CAMK4: variants seen among roughly 807,000 people sequenced by gnomAD.
CAMK4 encodes the protein calcium/calmodulin-dependent protein kinase type IV.
A neutral mutation model predicts 44.9 loss-of-function variants in CAMK4; 22 were observed. That is an observed-to-expected ratio of 0.49 (90% CI 0.35 to 0.70). The LOEUF is 0.70. Ranked by LOEUF, CAMK4 falls within the 30% of genes least tolerant of loss-of-function variation. The probability of loss-of-function intolerance (pLI) is 0.01; values close to 1 mark genes in which losing one functional copy is unlikely to be tolerated. For missense variants in CAMK4, 498 were observed against 586.8 expected, an observed-to-expected ratio of 0.85 and a Z score of 1.56; for synonymous variants, 218 against 215.4, an observed-to-expected ratio of 1.01 and a Z score of -0.11.
At chr5:111,444,856 C>T (rs143899118) in intron 5 of CAMK4, among the ~76,000 whole-genome samples, 229 of 152,146 alleles carry the variant, frequency 1.5e-3, no homozygotes, top group African/African-American at 5.0e-3. Flanking sequence ...ACTGATTGAC[C>T]GAGAAGCTCA....
intron 7 of CAMK4, among the ~76,000 whole-genome samples, chr5:111,468,262 C>A (rs1224196459): frequency 6.6e-6 from 1 of 151,990 alleles, no homozygotes; most frequent in Non-Finnish European, 1.5e-5. Context: ...TCTCAGAAAT[C>A]CCCACTAAAG....
intron 8 of CAMK4, among the ~76,000 whole-genome samples, chr5:111,476,266 TGTGTTTGTG>T (rs1755236551): frequency 7.4e-6 from 1 of 135,496 alleles, no homozygotes; most frequent in African/African-American, 3.3e-5. Flanking sequence ...TGTGTGTGTG[TGTGTTTGTG>T]TGTGTGTGTG....
intron 1 of CAMK4, among the ~76,000 whole-genome samples, chr5:111,308,522 A>G (rs1748043364): frequency 6.6e-6 from 1 of 152,226 alleles, no homozygotes; most frequent in Non-Finnish European, 1.5e-5. Context: ...ACAAGCTACA[A>G]AATTTGCAGA....
At position 111,449,177 on chromosome 5, in the gene CAMK4, C is replaced by A; in HGVS notation, c.599C>A (p.Thr200Lys). Residue 200 changes from threonine (T) to lysine (K), a missense_variant, in exon 7 of 11, where the codon ACA (threonine) becomes AAA (lysine). Physicochemically the swap from Thr to Lys is moderately conservative, Grantham distance 78 (BLOSUM62 -1). Transcript: ENST00000282356. ...KIVEHQVLMK[T>K]VCGTPGYCAP... The stretch of plus-strand genomic sequence containing the variant: ...GTGGAACATCAAGTGCTCATGAAGA[C>A]AGTATGTGGAACCCCAGGGTACTGC... 1 of 1,574,458 alleles carries A rather than the reference C, an allele frequency of 6.4e-7. No homozygotes were observed. Among genetic ancestry groups the A allele is most frequent in the Non-Finnish European group, 8.7e-7 (1 of 1,146,560 alleles).
chr5:111,358,299 C>A (rs530646117), intron 2 of CAMK4, among the ~76,000 whole-genome samples: 2 of 152,212 alleles, frequency 1.3e-5, no homozygotes, highest in Non-Finnish European at 2.9e-5. Flanking sequence ...AGACTACACA[C>A]ATGGCTTGAT....
intron 1 of CAMK4, among the ~76,000 whole-genome samples, chr5:111,257,856 G>C (rs1749807411): frequency 6.6e-6 from 1 of 152,150 alleles, no homozygotes; most frequent in Non-Finnish European, 1.5e-5. Flanking sequence ...GGACATGGAT[G>C]GACCTGGAAG....
intron 5 of CAMK4, among the ~76,000 whole-genome samples, chr5:111,432,326 G>C (rs1365234769): frequency 6.6e-6 from 1 of 152,176 alleles, no homozygotes; most frequent in South Asian, 2.1e-4. Flanking sequence ...CATGGACATA[G>C]AGAGTAGAAG....
chr5:111,438,740 A>G (rs1753730608), intron 5 of CAMK4, among the ~76,000 whole-genome samples: 3 of 152,200 alleles, frequency 2.0e-5, no homozygotes, highest in Admixed American at 2.0e-4. Context: ...TTATTTATTC[A>G]TACACTTAAC....
At chr5:111,426,677 G>A (rs1160569805) in intron 5 of CAMK4, among the ~76,000 whole-genome samples, 3 of 152,310 alleles carry the variant, frequency 2.0e-5, no homozygotes, top group African/African-American at 4.8e-5. Flanking sequence ...GGTAAGGAGA[G>A]CATCTCTGGG....
intron 1 of CAMK4, among the ~76,000 whole-genome samples, chr5:111,337,758 T>C (rs1330971761): frequency 6.6e-6 from 1 of 151,148 alleles, no homozygotes; most frequent in Non-Finnish European, 1.5e-5. Flanking sequence ...TGATAAGCTC[T>C]GATCGGTGAG....
chr5:111,435,309 C>G (rs1286575252), intron 5 of CAMK4, among the ~76,000 whole-genome samples: 1 of 152,000 alleles, frequency 6.6e-6, no homozygotes, highest in Non-Finnish European at 1.5e-5. Context: ...TTTGACATAC[C>G]TTTTACTTGC....
intron 3 of CAMK4, among the ~76,000 whole-genome samples, chr5:111,376,167 T>C (rs1413112921): frequency 6.6e-6 from 1 of 151,984 alleles, no homozygotes; most frequent in African/African-American, 2.4e-5. Flanking sequence ...ATCACCACTT[T>C]TACATTATCC....
At chr5:111,463,785 G>A (rs1754725130) in intron 7 of CAMK4, among the ~76,000 whole-genome samples, 1 of 152,160 alleles carries the variant, frequency 6.6e-6, no homozygotes, top group African/African-American at 2.4e-5. Flanking sequence ...CATCCCTAGA[G>A]GAAGGGGGAG....
At chr5:111,415,657 G>C (rs1283889189) in intron 5 of CAMK4, among the ~76,000 whole-genome samples, 4 of 152,110 alleles carry the variant, frequency 2.6e-5, no homozygotes, top group South Asian at 2.1e-4. Context: ...CACAGATAAA[G>C]GGAACTAGTA....
At chr5:111,315,463 C>T (rs1355070231) in intron 1 of CAMK4, among the ~76,000 whole-genome samples, 1 of 152,074 alleles carries the variant, frequency 6.6e-6, no homozygotes, top group Non-Finnish European at 1.5e-5. Flanking sequence ...ATTCTGAAAT[C>T]AGATAAAGAA....
intron 1 of CAMK4, among the ~76,000 whole-genome samples, chr5:111,320,528 G>A (rs1158468028): frequency 2.6e-5 from 4 of 152,130 alleles, no homozygotes; most frequent in Admixed American, 2.6e-4. Context: ...TTGCTTTTGA[G>A]ATGGAGTTTC....
intron 5 of CAMK4, among the ~76,000 whole-genome samples, chr5:111,420,367 C>A (rs944405924): frequency 6.6e-6 from 1 of 152,134 alleles, no homozygotes; most frequent in South Asian, 2.1e-4. Flanking sequence ...TCTAGATATA[C>A]AATCATGTCA....
intron 7 of CAMK4, among the ~76,000 whole-genome samples, chr5:111,471,362 A>G (rs892881703): frequency 9.2e-5 from 14 of 152,328 alleles, no homozygotes; most frequent in African/African-American, 3.4e-4. Flanking sequence ...ATTGATGTGG[A>G]TGATCTGCCA....
intron 1 of CAMK4, among the ~76,000 whole-genome samples, chr5:111,316,527 A>G (rs796566295): frequency 7.2e-5 from 11 of 152,166 alleles, no homozygotes; most frequent in Non-Finnish European, 1.0e-4. Flanking sequence ...ATCTTCCTCT[A>G]GCTCTGAGGA....
Sources: gnomAD v4.1 joint callset for allele counts (sites outside exome capture counted in the v4.1 genomes callset) on GRCh38, gnomAD v4.1.1 for gene constraint, MANE v1.5 for transcripts, NCBI Gene and HGNC (gene_info 2026-07-23, HGNC 2026-07-21) for gene names.